The following AFG2A variants were observed in gnomAD, a reference collection of about 807,000 sequenced individuals.
The protein encoded by AFG2A is AAA ATPase AFG2A.
At chr4:123,020,437 C>T in the AFG2A span, among the ~76,000 whole-genome samples, 10 of 151,050 alleles carry the variant, frequency 6.6e-5, no homozygotes, top group Admixed American at 1.3e-4. Flanking sequence ...GGCGCGATCT[C>T]GGCTCAGTGT....
At chr4:123,145,103 T>C in the AFG2A span, among the ~76,000 whole-genome samples, 10 of 152,058 alleles carry the variant, frequency 6.6e-5, no homozygotes, top group Non-Finnish European at 1.5e-4. Context: ...TCTCTTCCTG[T>C]GGTGGTTCTA....
the AFG2A span, among the ~76,000 whole-genome samples, chr4:123,164,421 T>G: frequency 6.6e-6 from 1 of 152,166 alleles, no homozygotes. Context: ...TGGAGTGCAG[T>G]GACACGATCT....
chr4:123,014,103 C>CT, the AFG2A span, among the ~76,000 whole-genome samples: 1 of 152,134 alleles, frequency 6.6e-6, no homozygotes, highest in African/African-American at 2.4e-5. Flanking sequence ...GTAGAATCCC[C>CT]TCTGTCTTCC....
chr4:123,312,984 A>G, the AFG2A span, among the ~76,000 whole-genome samples: 1 of 152,210 alleles, frequency 6.6e-6, no homozygotes, highest in Non-Finnish European at 1.5e-5. Context: ...TTACCAATAT[A>G]AGGGCGCAGT....
the AFG2A span, among the ~76,000 whole-genome samples, chr4:123,208,424 A>G: frequency 6.6e-6 from 1 of 152,176 alleles, no homozygotes; most frequent in African/African-American, 2.4e-5. Context: ...GAAGGAACAC[A>G]TTTAATGGAA....
the AFG2A span, among the ~76,000 whole-genome samples, chr4:123,111,232 G>A: frequency 6.6e-6 from 1 of 151,818 alleles, no homozygotes; most frequent in African/African-American, 2.4e-5. Context: ...TGTGAAAATT[G>A]ATTGTACAAA....
the AFG2A span, among the ~76,000 whole-genome samples, chr4:123,237,979 T>C: frequency 6.6e-6 from 1 of 152,182 alleles, no homozygotes; most frequent in Non-Finnish European, 1.5e-5. Flanking sequence ...GCCCAAATAC[T>C]GCGCTTTTCC....
At chr4:123,028,414 TA>T in the AFG2A span, 1 of 1,606,362 alleles carries the variant, frequency 6.2e-7, no homozygotes. Context: ...TTAAATTTTT[TA>T]ATCGCTACTC....
At chr4:123,100,885 A>G in the AFG2A span, among the ~76,000 whole-genome samples, 15 of 151,958 alleles carry the variant, frequency 9.9e-5, no homozygotes, top group Non-Finnish European at 1.5e-4. Context: ...TACTTTTCAC[A>G]TGATTCCCAG....
the AFG2A span, among the ~76,000 whole-genome samples, chr4:123,031,560 A>G: frequency 6.6e-6 from 1 of 152,230 alleles, no homozygotes; most frequent in South Asian, 2.1e-4. Context: ...TTTAAGTGTT[A>G]AAAGTTAGTT....
the AFG2A span, among the ~76,000 whole-genome samples, chr4:123,140,523 C>G: frequency 2.7e-5 from 4 of 148,442 alleles, no homozygotes; most frequent in Admixed American, 2.0e-4. Flanking sequence ...AAAAGCGATT[C>G]TTTCTTGTAA....
the AFG2A span, among the ~76,000 whole-genome samples, chr4:123,155,268 G>C: frequency 6.6e-6 from 1 of 151,892 alleles, no homozygotes; most frequent in Non-Finnish European, 1.5e-5. Flanking sequence ...TATTTTTATA[G>C]AGACAAAGTT....
At chr4:123,054,906 A>G in the AFG2A span, among the ~76,000 whole-genome samples, 1 of 151,894 alleles carries the variant, frequency 6.6e-6, no homozygotes, top group Admixed American at 6.6e-5. Context: ...TATTCTAAGC[A>G]TTTTATAACT....
At chr4:123,117,432 C>T in the AFG2A span, among the ~76,000 whole-genome samples, 1 of 148,884 alleles carries the variant, frequency 6.7e-6, no homozygotes, top group African/African-American at 2.5e-5. Flanking sequence ...GTTTTTGGAA[C>T]CTGGCATACT....
At chr4:123,003,546 C>A in the AFG2A span, among the ~76,000 whole-genome samples, 1 of 152,194 alleles carries the variant, frequency 6.6e-6, no homozygotes, top group Non-Finnish European at 1.5e-5. Context: ...AGCTGCAGGT[C>A]TGTTGGAGTT....
chr4:122,951,458 ACG>A, the AFG2A span, among the ~76,000 whole-genome samples: 3,226 of 150,886 alleles, frequency 0.021, 56 homozygotes, highest in Non-Finnish European at 0.035. Flanking sequence ...ACACACACAC[ACG>A]CACGCACACA....
chr4:123,222,706 C>T, the AFG2A span, among the ~76,000 whole-genome samples: 2,148 of 152,188 alleles, frequency 0.014, 49 homozygotes, highest in African/African-American at 0.048. Flanking sequence ...CCCCCTCTCC[C>T]CAGCACCTGG....
chr4:123,075,964 C>T, the AFG2A span, among the ~76,000 whole-genome samples: 2 of 90,460 alleles, frequency 2.2e-5, no homozygotes, highest in East Asian at 7.1e-4. Context: ...TCTCTAAAAA[C>T]AACAACAACA....
chr4:122,943,326 G>T, the AFG2A span, among the ~76,000 whole-genome samples: 1 of 152,168 alleles, frequency 6.6e-6, no homozygotes, highest in Non-Finnish European at 1.5e-5. Context: ...CTCCTGTTTT[G>T]GGTGCATATA....
Sources: gnomAD v4.1 joint callset for allele counts (sites outside exome capture counted in the v4.1 genomes callset) on GRCh38, gnomAD v4.1.1 for gene constraint, MANE v1.5 for transcripts, NCBI Gene and HGNC (gene_info 2026-07-23, HGNC 2026-07-21) for gene names.